The following TMEM51 variants were observed in gnomAD, a reference collection of about 807,000 sequenced individuals.
TMEM51 encodes transmembrane protein 51, also known as chromosome 1 open reading frame 72.
Under a neutral mutation model 13.6 loss-of-function variants are expected in TMEM51, and 8 were observed. The ratio of observed to expected loss-of-function variants is 0.59; its 90% CI spans 0.35 to 1.07. The LOEUF (loss-of-function observed/expected upper bound fraction) is 1.07, where lower values mean the gene tolerates loss of function less well. Ranked by LOEUF, TMEM51 falls within the 50% of genes least tolerant of loss-of-function variation. The pLI, the probability that TMEM51 is intolerant of heterozygous loss-of-function variation, is 0.02. For synonymous variants in TMEM51, 147 were observed against 144.4 expected (o/e 1.02, Z -0.13); for missense variants, 279 against 330.7 (o/e 0.84, Z 1.21).
Position 15,206,010 on chromosome 1 carries a change from G to A in TMEM51, c.-266-4480G>A, listed in dbSNP as rs530226708. On this transcript the variant is annotated intron_variant, in intron 1 of 3. Coordinates refer to ENST00000376008, the MANE Select transcript of TMEM51 (RefSeq NM_001136218.2). ...CCAGCACTTTGGGAGGCTGAGGCAG[G>A]CAGATTGCTTGAGCCCAGGAAATCG... Among the ~76,000 whole-genome samples the A allele has an allele frequency of 4.6e-5, 7 of 152,280 alleles. 1 individual carries two copies. The South Asian group carries it at 1.5e-3, about 32-fold the overall frequency.
At chr1:15,171,186 C>T (rs1321875675) in intron 1 of TMEM51, 1 of 1,302,552 alleles carries the variant, frequency 7.7e-7, no homozygotes. Context: ...CTAACCAGCT[C>T]CTGGGTGACG....
At chr1:15,168,050 A>C (rs1054773496) in intron 1 of TMEM51, among the ~76,000 whole-genome samples, 2 of 152,180 alleles carry the variant, frequency 1.3e-5, no homozygotes, top group Non-Finnish European at 2.9e-5. Flanking sequence ...ACCATCTGCT[A>C]TTTCTTGTAT....
At chr1:15,210,421 C>G (rs1644320210) in intron 1 of TMEM51, 69 bp from the exon 2 acceptor site, 2 of 152,132 alleles carry the variant, frequency 1.3e-5, no homozygotes, top group Non-Finnish European at 2.9e-5. Flanking sequence ...CATGGCTCCC[C>G]AACATGTAAC....
At chr1:15,187,231 C>T (rs368976477) in intron 1 of TMEM51, among the ~76,000 whole-genome samples, 2 of 151,782 alleles carry the variant, frequency 1.3e-5, no homozygotes, top group South Asian at 2.1e-4. Flanking sequence ...CCATCCCCCA[C>T]TGACTCCTTG....
chr1:15,217,008 A>C (rs1191416516), intron 3 of TMEM51, among the ~76,000 whole-genome samples: 1 of 152,176 alleles, frequency 6.6e-6, no homozygotes. Flanking sequence ...TTCTACAAGC[A>C]TTTCTTATCT....
chr1:15,171,059 G>A, intron 1 of TMEM51: 1 of 829,348 alleles, frequency 1.2e-6, no homozygotes, highest in Non-Finnish European at 1.7e-6. Flanking sequence ...CCTCTGGGGT[G>A]GGGGGCTTGT....
chr1:15,185,601 G>A (rs1197081041), intron 1 of TMEM51, among the ~76,000 whole-genome samples: 2 of 152,198 alleles, frequency 1.3e-5, no homozygotes, highest in African/African-American at 4.8e-5. Context: ...TTTCTTGGTC[G>A]TGTCTATATG....
chr1:15,172,062 A>T (rs1334226734), intron 1 of TMEM51, among the ~76,000 whole-genome samples: 1 of 152,174 alleles, frequency 6.6e-6, no homozygotes. Flanking sequence ...CCACGTTTGA[A>T]ACTTCTGAAG....
chr1:15,160,122 C>T (rs1238316767), intron 1 of TMEM51, among the ~76,000 whole-genome samples: 1 of 152,146 alleles, frequency 6.6e-6, no homozygotes, highest in Non-Finnish European at 1.5e-5. Context: ...TTTCTCCTCA[C>T]ATGTGGTCTA....
chr1:15,208,201 A>C (rs561710408), intron 1 of TMEM51, among the ~76,000 whole-genome samples: 1 of 152,290 alleles, frequency 6.6e-6, no homozygotes, highest in Non-Finnish European at 1.5e-5. Flanking sequence ...ATGGGAAGGA[A>C]AGGCAAGGAA....
chr1:15,199,841 T>A (rs1557851286), intron 1 of TMEM51, among the ~76,000 whole-genome samples: 1 of 152,034 alleles, frequency 6.6e-6, no homozygotes, highest in East Asian at 1.9e-4. Flanking sequence ...GGGATTTAGT[T>A]CCCTCCTGTG....
At chr1:15,192,661 C>G (rs1012269061) in intron 1 of TMEM51, 12 of 170,446 alleles carry the variant, frequency 7.0e-5, no homozygotes, top group Non-Finnish European at 7.5e-5. Flanking sequence ...CCATCGTGGT[C>G]AGGCTGGTCT....
Position 15,160,784 on chromosome 1 carries a change from T to C in TMEM51, c.-267+6830T>C, listed in dbSNP as rs186315883. 6.6e-5 allele frequency among the ~76,000 whole-genome samples: 10 copies of C among 151,988 alleles called. No homozygotes were observed. The East Asian group carries it at 1.9e-3, about 29-fold the overall frequency. ...TGCCTGTAGCTAAACACCGGCGCCATCACTTTAAACAAATCTCCTGATACA... is the reference window on the plus strand; with the variant it reads ...TGCCTGTAGCTAAACACCGGCGCCACCACTTTAAACAAATCTCCTGATACA... On this transcript the variant is annotated intron_variant, in intron 1 of 3. Transcript: ENST00000376008.
chr1:15,203,407 AC>A (rs1644193104), intron 1 of TMEM51, among the ~76,000 whole-genome samples: 1 of 145,446 alleles, frequency 6.9e-6, no homozygotes, highest in Admixed American at 6.8e-5. Flanking sequence ...GGCGTGCGCC[AC>A]CCCTCCCGGC....
chr1:15,208,748 G>A (rs1182648619), intron 1 of TMEM51, among the ~76,000 whole-genome samples: 2 of 152,084 alleles, frequency 1.3e-5, no homozygotes, highest in African/African-American at 4.8e-5. Flanking sequence ...GTGCCAATGA[G>A]GAGCAGAAAG....
At chr1:15,186,003 G>C (rs1470267371) in intron 1 of TMEM51, among the ~76,000 whole-genome samples, 1 of 152,168 alleles carries the variant, frequency 6.6e-6, no homozygotes, top group Non-Finnish European at 1.5e-5. Context: ...TGGCAGCAAT[G>C]AGGGCTCCAA....
intron 1 of TMEM51, among the ~76,000 whole-genome samples, chr1:15,201,542 C>T (rs1644155461): frequency 6.6e-6 from 1 of 152,036 alleles, no homozygotes; most frequent in African/African-American, 2.4e-5. Context: ...TGCCACAATT[C>T]CGAAATGTAA....
At chr1:15,196,341 CA>C (rs1177396555) in intron 1 of TMEM51, among the ~76,000 whole-genome samples, 1 of 152,094 alleles carries the variant, frequency 6.6e-6, no homozygotes, top group African/African-American at 2.4e-5. Flanking sequence ...ATATTTACAC[CA>C]CAGCGATGGG....
intron 2 of TMEM51, among the ~76,000 whole-genome samples, chr1:15,212,511 C>T (rs1169369270): frequency 2.0e-5 from 3 of 152,212 alleles, no homozygotes; most frequent in African/African-American, 7.2e-5. Context: ...GCCTGTCAGG[C>T]ACTTAGCATG....
Sources: gnomAD v4.1 joint callset for allele counts (sites outside exome capture counted in the v4.1 genomes callset) on GRCh38, gnomAD v4.1.1 for gene constraint, MANE v1.5 for transcripts, NCBI Gene and HGNC (gene_info 2026-07-23, HGNC 2026-07-21) for gene names.